Variants in NPC2 observed in about 807,000 individuals in gnomAD.
NPC2 encodes the protein NPC intracellular cholesterol transporter 2.
NPC2 carries 14 observed loss-of-function variants against 17.0 expected under a neutral mutation model. That is an observed-to-expected ratio of 0.82 (90% CI 0.54 to 1.29). The LOEUF (loss-of-function observed/expected upper bound fraction) is 1.29, where lower values mean the gene tolerates loss of function less well. Among genes scored for constraint, NPC2 ranks in the 50% most tolerant of loss-of-function variants. The pLI, the probability that NPC2 is intolerant of heterozygous loss-of-function variation, is 0.00. For missense variants in NPC2, 167 were observed against 183.4 expected (o/e 0.91, Z 0.52); for synonymous variants, 75 against 69.3 (o/e 1.08, Z -0.41).
chr14:74,488,060 A>G (rs577123864), intron 1 of NPC2, among the ~76,000 whole-genome samples: 13 of 152,224 alleles, frequency 8.5e-5, no homozygotes, highest in Admixed American at 6.5e-5. Flanking sequence ...GAATGGAAGG[A>G]CACCCCAAGG....
chr14:74,483,248 C>A, intron 3 of NPC2: 1 of 994,834 alleles, frequency 1.0e-6, no homozygotes, highest in South Asian at 1.4e-5. Context: ...CCTGAGGGAA[C>A]AGATTTTACT....
chr14:74,482,028 A>G (rs766065372), intron 3 of NPC2, among the ~76,000 whole-genome samples: 3 of 152,192 alleles, frequency 2.0e-5, no homozygotes, highest in Non-Finnish European at 4.4e-5. Flanking sequence ...AAGCAGTTTG[A>G]GCTATTTTTC....
chr14:74,480,887 C>T, intron 3 of NPC2, 108 bp from the exon 4 acceptor site: 1 of 934,096 alleles, frequency 1.1e-6, no homozygotes, highest in Non-Finnish European at 1.8e-6. Context: ...TTCCTAACTC[C>T]TCATACTTTT....
At chr14:74,487,263 G>GTTTTTTTTTTTTTTTTTTTT (rs1208707592) in intron 1 of NPC2, among the ~76,000 whole-genome samples, 1 of 134,952 alleles carries the variant, frequency 7.4e-6, no homozygotes, top group Non-Finnish European at 1.6e-5. Flanking sequence ...TTGTTTTTGT[G>GTTTTTTTTTTTTTTTTTTTT]GTTTTTTTTT....
chr14:74,489,322 C>A (rs1309820271), intron 1 of NPC2, among the ~76,000 whole-genome samples: 3 of 152,068 alleles, frequency 2.0e-5, no homozygotes, highest in Non-Finnish European at 4.4e-5. Flanking sequence ...AAGGATGAGA[C>A]CTAAGAAGGT....
intron 2 of NPC2, among the ~76,000 whole-genome samples, 164 bp downstream of exon 2, chr14:74,486,165 G>A (rs888525566): frequency 1.3e-5 from 2 of 152,116 alleles, no homozygotes; most frequent in African/African-American, 4.8e-5. Flanking sequence ...GCATGAGAAG[G>A]GTGTCCAAGG....
intron 1 of NPC2, among the ~76,000 whole-genome samples, chr14:74,486,848 T>A (rs922708655): frequency 1.3e-5 from 2 of 152,238 alleles, no homozygotes; most frequent in African/African-American, 2.4e-5. Flanking sequence ...TGAAGACGTT[T>A]GCTTCAACCT....
intron 3 of NPC2, among the ~76,000 whole-genome samples, chr14:74,483,980 T>C (rs377099500): frequency 9.2e-5 from 14 of 152,350 alleles, no homozygotes; most frequent in African/African-American, 3.4e-4. Context: ...GTCATTATAT[T>C]CTAATTGAAA....
At chr14:74,480,659 T>C in intron 4 of NPC2, 43 bp downstream of exon 4, 2 of 1,481,020 alleles carry the variant, frequency 1.4e-6, no homozygotes, top group Non-Finnish European at 1.9e-6. Flanking sequence ...CTCCTCCACT[T>C]TCTTCCCTCC....
chr14:74,485,163 C>T (rs555776804), intron 2 of NPC2, among the ~76,000 whole-genome samples: 2 of 151,902 alleles, frequency 1.3e-5, no homozygotes, highest in South Asian at 2.1e-4. Context: ...GGCGTGGTGG[C>T]GCATGCCTGT....
At chr14:74,493,422 G>A, upstream of NPC2, 2 of 1,510,850 alleles carry the variant, frequency 1.3e-6, no homozygotes, top group South Asian at 2.4e-5. The surrounding 1 kb of genome is among the most constrained non-coding windows in gnomAD (Gnocchi z 4.1). Flanking sequence ...CCCCGCCCCC[G>A]GCTCCGGAAA....
chr14:74,490,364 C>A (rs1393703726), intron 1 of NPC2, among the ~76,000 whole-genome samples: 1 of 152,180 alleles, frequency 6.6e-6, no homozygotes, highest in Non-Finnish European at 1.5e-5. Flanking sequence ...GCTTGCTTCT[C>A]CATCATTGCA....
At chr14:74,487,301 C>T (rs1388444377) in intron 1 of NPC2, among the ~76,000 whole-genome samples, 1 of 144,706 alleles carries the variant, frequency 6.9e-6, no homozygotes, top group African/African-American at 2.6e-5. Flanking sequence ...CAGGGTCTCA[C>T]TCTGTCACCC....
At chr14:74,493,463 C>G, upstream of NPC2, 1 of 1,349,544 alleles carries the variant, frequency 7.4e-7, no homozygotes, top group Non-Finnish European at 1.0e-6. This position sits in a 1 kb window ranked among gnomAD's most constrained non-coding sequence, Gnocchi z 4.1. Flanking sequence ...GCCCAGAAGC[C>G]TGCAGTCTCC....
chr14:74,486,494 C>A, intron 1 of NPC2, 58 bp from the exon 2 acceptor site: 1 of 1,385,388 alleles, frequency 7.2e-7, no homozygotes, highest in Non-Finnish European at 1.0e-6. Flanking sequence ...GCCAGCTAGG[C>A]TGCCCACCAC....
At position 74,480,755 on chromosome 14, in the gene NPC2, G is replaced by T. The variant is rs759115594; in HGVS notation, c.388C>A (p.Leu130Ile). ...PSIKLVVEWQ[L>I]QDDKNQSLFC... The stretch of plus-strand genomic sequence containing the variant: ...AGACTTTGGTTTTTGTCATCCTGAA[G>T]TTGCCACTCCACCACCAGTTTTATC... The change falls in exon 4 of 5, where the codon CTT becomes ATT. Residue 130 changes from leucine to isoleucine, a missense_variant. Leu to Ile is a conservative substitution (Grantham distance 5). Coordinates refer to ENST00000555619, the MANE Select transcript of NPC2 (RefSeq NM_006432.5). The T allele has an allele frequency of 3.1e-6, 5 of 1,613,982 alleles. No homozygotes were observed. The highest frequency in any genetic ancestry group is 4.2e-6 in the Non-Finnish European group (5 of 1,179,908).
intron 1 of NPC2, 122 bp from the exon 2 acceptor site, chr14:74,486,558 C>G (rs1566603208): frequency 3.9e-6 from 3 of 759,744 alleles, no homozygotes; most frequent in East Asian, 5.4e-5. Flanking sequence ...TCTCCTCGGA[C>G]TGTTTCCCAG....
Position 74,480,687 on chromosome 14 carries a change from C to T in NPC2, c.441+15G>A, listed in dbSNP as rs770750167. ...TTCCCTCCACCCATGCCCTCTCACC[C>T]CCAGATAGACTTACGATCTGTACTG... On this transcript the variant is annotated intron_variant, in intron 4 of 4. Coordinates refer to ENST00000555619, the MANE Select transcript of NPC2 (RefSeq NM_006432.5). The T allele has an allele frequency of 3.1e-6, 5 of 1,609,840 alleles. No homozygotes were observed. The highest frequency in any genetic ancestry group is 4.3e-6 in the Non-Finnish European group (5 of 1,176,116).
At chr14:74,493,415 CG>C (rs2086800979), upstream of NPC2, 2 of 1,536,020 alleles carry the variant, frequency 1.3e-6, no homozygotes, top group Admixed American at 2.0e-5. This position sits in a 1 kb window ranked among gnomAD's most constrained non-coding sequence, Gnocchi z 4.1. Context: ...GCCCGCGCCC[CG>C]CCCCCGGCTC....
Sources: gnomAD v4.1 joint callset for allele counts (sites outside exome capture counted in the v4.1 genomes callset) on GRCh38, gnomAD v4.1.1 for gene constraint, Gnocchi (gnomAD v3.1) non-coding constraint, MANE v1.5 for transcripts, NCBI Gene and HGNC (gene_info 2026-07-23, HGNC 2026-07-21) for gene names.